Variants in RUNX2 observed in about 807,000 individuals in gnomAD.
RUNX2 encodes RUNX family transcription factor 2.
A neutral mutation model predicts 51.7 loss-of-function variants in RUNX2; 10 were observed. That is an observed-to-expected ratio of 0.19 (90% CI 0.12 to 0.33). The LOEUF is 0.33. Ranked by LOEUF, RUNX2 falls within the 10% of genes least tolerant of loss-of-function variation. RUNX2 has a pLI of 1.00. For missense variants in RUNX2, 562 were observed against 691.3 expected, an observed-to-expected ratio of 0.81 and a Z score of 2.10; for synonymous variants, 276 against 273.6, an observed-to-expected ratio of 1.01 and a Z score of -0.09.
intron 2 of RUNX2, among the ~76,000 whole-genome samples, chr6:45,384,706 CTTT>C (rs56307239): frequency 0.015 from 902 of 61,180 alleles, 10 homozygotes; most frequent in African/African-American, 0.031. Context: ...ATTAGGGTGT[CTTT>C]TTTTTTTTTT....
At chr6:45,334,303 A>G (rs1788103021) in intron 2 of RUNX2, among the ~76,000 whole-genome samples, 1 of 151,186 alleles carries the variant, frequency 6.6e-6, no homozygotes, top group African/African-American at 2.4e-5. Flanking sequence ...CTATAAACAT[A>G]TATTTACATA....
intron 5 of RUNX2, among the ~76,000 whole-genome samples, chr6:45,442,757 G>C (rs992097605): frequency 5.3e-5 from 8 of 152,080 alleles, no homozygotes; most frequent in Admixed American, 2.0e-4. Context: ...TATTTGTCAG[G>C]CTTGGGGTCT....
chr6:45,428,940 A>G (rs1244618919), intron 3 of RUNX2, among the ~76,000 whole-genome samples: 3 of 151,952 alleles, frequency 2.0e-5, no homozygotes, highest in African/African-American at 7.3e-5. Context: ...CAGAACATGA[A>G]GTGAGGAAGT....
chr6:45,503,046 C>T (rs569156330), intron 6 of RUNX2, among the ~76,000 whole-genome samples: 23 of 152,308 alleles, frequency 1.5e-4, no homozygotes, highest in Admixed American at 4.6e-4. Flanking sequence ...CTCCCTTACT[C>T]ATCTTCTAGA....
rs570239093 is a variant in RUNX2, at chr6:45,550,510, G to A, written c.*3205G>A. On this transcript the variant is annotated 3_prime_UTR_variant, in exon 9 of 9. Coordinates refer to ENST00000647337, the MANE Select transcript of RUNX2 (RefSeq NM_001024630.4). ...AATCCAGGTTAATACATGGAAACAC[G>A]AAGCATTAGCAAAAGTAATAATTAT... 4 of 152,586 alleles carry A rather than the reference G, an allele frequency of 2.6e-5. No homozygotes were observed. The highest frequency in any genetic ancestry group is 2.1e-4 in the South Asian group (1 of 4,828). The allele number at this position is 152,586 out of a possible 1,614,324, so 9.5% of individuals were successfully genotyped here.
At chr6:45,458,168 A>G (rs991569365) in intron 5 of RUNX2, among the ~76,000 whole-genome samples, 11 of 152,010 alleles carry the variant, frequency 7.2e-5, no homozygotes, top group Non-Finnish European at 1.6e-4. Context: ...CTGGGATTAC[A>G]GGTGCCTGCC....
chr6:45,508,167 T>C (rs1801031619), intron 6 of RUNX2, among the ~76,000 whole-genome samples: 1 of 151,992 alleles, frequency 6.6e-6, no homozygotes, highest in Non-Finnish European at 1.5e-5. Context: ...AAAATTGTTT[T>C]TTATGCTAGA....
intron 7 of RUNX2, among the ~76,000 whole-genome samples, chr6:45,536,503 A>G (rs953328713): frequency 6.6e-6 from 1 of 152,204 alleles, no homozygotes; most frequent in African/African-American, 2.4e-5. Context: ...AAGGCCCAGG[A>G]TGGCCTCAGG....
At position 45,437,943 on chromosome 6, in the gene RUNX2, G is replaced by A. The variant is rs1324846111; in HGVS notation, c.581-4G>A. The A allele has an allele frequency of 6.2e-7, 1 of 1,602,546 alleles. No homozygotes were observed. The highest frequency in any genetic ancestry group is 8.5e-7 in the Non-Finnish European group (1 of 1,169,744). ...CTGTATATTTTCCCCTTTTATATCT[G>A]CAGGCAAGAGTTTCACCTTGACCAT... On this transcript the variant is annotated splice_region_variant and splice_polypyrimidine_tract_variant and intron_variant, in intron 4 of 8. Coordinates refer to ENST00000647337, the MANE Select transcript of RUNX2 (RefSeq NM_001024630.4).
intron 7 of RUNX2, among the ~76,000 whole-genome samples, chr6:45,537,172 G>A (rs1430716755): frequency 1.3e-5 from 2 of 152,160 alleles, no homozygotes; most frequent in East Asian, 1.9e-4. Context: ...GAACACCAGT[G>A]GTAAAGACAA....
At position 45,342,041 on chromosome 6, in the gene RUNX2, T is replaced by TGAA. The variant is rs543224627; in HGVS notation, c.58+13260_58+13262dup. Among the ~76,000 whole-genome samples, 219 of 150,508 alleles carry TGAA rather than the reference T, an allele frequency of 1.5e-3. 1 individual carries two copies. The highest frequency in any genetic ancestry group is 5.0e-3 in the African/African-American group (206 of 41,236). ...ACTGGACTGAAAAATATGGGCAAGT[T>TGAA]GAAGAGATATTACAAAGAAACTAAC... On this transcript the variant is annotated intron_variant, in intron 2 of 8. Coordinates refer to ENST00000647337, the MANE Select transcript of RUNX2 (RefSeq NM_001024630.4).
chr6:45,420,836 T>C (rs887864576), intron 2 of RUNX2, among the ~76,000 whole-genome samples: 3 of 152,196 alleles, frequency 2.0e-5, no homozygotes, highest in African/African-American at 7.2e-5. Flanking sequence ...AGGCTGGTCG[T>C]AGACACCCAC....
intron 2 of RUNX2, chr6:45,365,179 T>C (rs369776050): frequency 2.1e-5 from 29 of 1,397,882 alleles, no homozygotes; most frequent in Non-Finnish European, 2.9e-5. Context: ...GTAATAGCAA[T>C]AGCATGCAGG....
At chr6:45,459,629 G>C (rs1040294691) in intron 5 of RUNX2, among the ~76,000 whole-genome samples, 3 of 152,152 alleles carry the variant, frequency 2.0e-5, no homozygotes, top group Non-Finnish European at 2.9e-5. Context: ...CTATGTGTTA[G>C]GAATATAGCC....
chr6:45,512,455 G>T (rs756489640), intron 7 of RUNX2, 48 bp downstream of exon 7: 5 of 1,602,468 alleles, frequency 3.1e-6, no homozygotes, highest in East Asian at 2.2e-5. Context: ...CAGGGGTCGG[G>T]GGGAGTGGGA....
chr6:45,493,391 G>A (rs1329586117), intron 6 of RUNX2, among the ~76,000 whole-genome samples: 1 of 152,138 alleles, frequency 6.6e-6, no homozygotes, highest in Non-Finnish European at 1.5e-5. Flanking sequence ...CTAGACATAT[G>A]TCCTTGATAA....
At chr6:45,375,549 AT>A (rs898959790) in intron 2 of RUNX2, among the ~76,000 whole-genome samples, 25 of 147,900 alleles carry the variant, frequency 1.7e-4, no homozygotes, top group South Asian at 4.3e-4. Flanking sequence ...CAAGAGCATC[AT>A]TTTTTTTTTT....
intron 7 of RUNX2, among the ~76,000 whole-genome samples, chr6:45,523,425 C>A (rs1227628918): frequency 1.3e-5 from 2 of 151,830 alleles, no homozygotes; most frequent in African/African-American, 4.8e-5. Flanking sequence ...TGCCACGATG[C>A]CTGGCTAACT....
At chr6:45,519,510 A>C (rs1040248793) in intron 7 of RUNX2, among the ~76,000 whole-genome samples, 1 of 152,032 alleles carries the variant, frequency 6.6e-6, no homozygotes, top group African/African-American at 2.4e-5. Context: ...TCATTACCCT[A>C]AAAATCCCCT....
Sources: gnomAD v4.1 joint callset for allele counts (sites outside exome capture counted in the v4.1 genomes callset) on GRCh38, gnomAD v4.1.1 for gene constraint, MANE v1.5 for transcripts, NCBI Gene and HGNC (gene_info 2026-07-23, HGNC 2026-07-21) for gene names.